Variants in CA6 observed in about 807,000 individuals in gnomAD.
The protein encoded by CA6 is carbonate dehydratase VI.
Under a neutral mutation model 35.9 loss-of-function variants are expected in CA6, and 28 were observed. The observed-to-expected ratio is 0.78, with a 90% confidence interval of 0.58 to 1.07. The LOEUF (loss-of-function observed/expected upper bound fraction) is 1.07. CA6 is among the 50% of genes least tolerant of loss of function. CA6 has a pLI of 0.00. For synonymous variants in CA6, 148 were observed against 152.6 expected (o/e 0.97, Z 0.22); for missense variants, 377 against 382.0 (o/e 0.99, Z 0.11).
chr1:8,954,337 A>G (rs10864375), intron 2 of CA6, among the ~76,000 whole-genome samples: 45,676 of 151,992 alleles, frequency 0.3, 8,230 homozygotes, highest in African/African-American at 0.49. Flanking sequence ...ATTAAGTTTT[A>G]TAATTTTAGT....
intron 5 of CA6, 44 bp downstream of exon 5, chr1:8,962,700 T>G: frequency 1.3e-6 from 2 of 1,491,910 alleles, no homozygotes; most frequent in Non-Finnish European, 1.9e-6. Context: ...GGGGAATGAG[T>G]GTGAGTGTGA....
intron 2 of CA6, among the ~76,000 whole-genome samples, chr1:8,951,191 G>C (rs1280559046): frequency 6.6e-6 from 1 of 150,840 alleles, no homozygotes; most frequent in Non-Finnish European, 1.5e-5. Flanking sequence ...ACCCCAGCCT[G>C]GGCAACAAGA....
chr1:8,948,786 A>G (rs1639437715), intron 1 of CA6, among the ~76,000 whole-genome samples: 1 of 152,050 alleles, frequency 6.6e-6, no homozygotes. Context: ...CCTGGCCAAC[A>G]TGGTGAAACC....
rs1451877312 is a variant in CA6 at position 8,946,011 on chromosome 1, T to C, written c.79+46T>C. The C allele has an allele frequency of 2.5e-6, 3 of 1,195,068 alleles. No homozygotes were observed. The South Asian group carries it at 3.8e-5, about 15-fold the overall frequency. 74.0% of individuals were successfully genotyped at this position (1,195,068 alleles called of 1,614,324 possible). ...TGCTCCCCCAGTTACCCTCACACCC[T>C]TACAACAGGACAAGTGCCCTTCTTC... On this transcript the variant is annotated intron_variant, in intron 1 of 7. Transcript: ENST00000377443.
Position 8,949,587 on chromosome 1 carries a change from A to G in CA6, c.259+145A>G, listed in dbSNP as rs972798583. On this transcript the variant is annotated intron_variant, in intron 2 of 7. Transcript: ENST00000377443. ...GAGGCCTCGAACATGAGGGTCGAACATGAGGGCTGACTGGCCCCGAAACCT... is the reference window on the plus strand; with the variant it reads ...GAGGCCTCGAACATGAGGGTCGAACGTGAGGGCTGACTGGCCCCGAAACCT... 17 of 676,908 alleles carry G rather than the reference A, an allele frequency of 2.5e-5. No individual in the cohort carries two copies. In the South Asian group the frequency reaches 3.0e-4, roughly 12 times the overall value. 41.9% of individuals were successfully genotyped at this position (676,908 alleles called of 1,614,324 possible). A position where few individuals can be genotyped will look rare whatever the true frequency, so the allele number is the denominator to read the frequency against.
intron 6 of CA6, among the ~76,000 whole-genome samples, 196 bp downstream of exon 6, chr1:8,968,012 G>A (rs541851162): frequency 2.6e-4 from 36 of 138,504 alleles, no homozygotes; most frequent in African/African-American, 1.0e-3. Context: ...CTGTCACCTG[G>A]GCTGGAGTGC....
intron 2 of CA6, among the ~76,000 whole-genome samples, chr1:8,954,964 G>A (rs558872676): frequency 6.6e-6 from 1 of 152,152 alleles, no homozygotes; most frequent in African/African-American, 2.4e-5. Flanking sequence ...ACAAAGACAA[G>A]TTGCTACAAA....
At chr1:8,966,176 C>A (rs1267613084) in intron 5 of CA6, among the ~76,000 whole-genome samples, 1 of 152,008 alleles carries the variant, frequency 6.6e-6, no homozygotes, top group Non-Finnish European at 1.5e-5. Flanking sequence ...GTGCCTTGAT[C>A]TCGGCTCACT....
chr1:8,947,857 T>C (rs749502841), intron 1 of CA6, among the ~76,000 whole-genome samples: 2 of 151,660 alleles, frequency 1.3e-5, no homozygotes, highest in Admixed American at 6.6e-5. Flanking sequence ...CACCTTTTTT[T>C]TTTTTTTTGA....
Position 8,949,424 on chromosome 1 carries a change from G to A in CA6, c.241G>A (p.Val81Ile), listed in dbSNP as rs1341990759. ...YETQAGEFPM[V>I]NNGHTVQISL... ...GACCCAGGCAGGGGAGTTCCCCATG[G>A]TCAACAATGGCCACACAGGTAAGAG... The change falls in exon 2 of 8, where the codon GTC becomes ATC. Residue 81 changes from valine to isoleucine, a missense_variant. Val to Ile is a conservative substitution (Grantham distance 29). Coordinates refer to ENST00000377443, the MANE Select transcript of CA6 (RefSeq NM_001215.4). 2 of 1,612,802 alleles carry A rather than the reference G, an allele frequency of 1.2e-6. No homozygotes were observed. The highest frequency in any genetic ancestry group is 1.7e-6 in the Non-Finnish European group (2 of 1,179,418).
Position 8,949,316 on chromosome 1 carries a change from C to A in CA6, c.133C>A (p.Gln45Lys). 1 of 1,613,358 alleles carries A rather than the reference C, an allele frequency of 6.2e-7. No individual in the cohort carries two copies. The highest frequency in any genetic ancestry group is 8.5e-7 in the Non-Finnish European group (1 of 1,179,574). ...WPQHYPACGG[Q>K]RQSPINLQRT... ...ACAGCACTACCCCGCCTGTGGGGGCCAGAGACAGTCGCCTATCAACCTACA... is the reference window on the plus strand; with the variant it reads ...ACAGCACTACCCCGCCTGTGGGGGCAAGAGACAGTCGCCTATCAACCTACA... Residue 45 changes from glutamine (Q) to lysine (K), a missense_variant, in exon 2 of 8, where the codon CAG (glutamine) becomes AAG (lysine). By Grantham distance (53) the Gln-to-Lys change is moderately conservative (BLOSUM62 1). Coordinates refer to ENST00000377443, the MANE Select transcript of CA6 (RefSeq NM_001215.4).
intron 5 of CA6, among the ~76,000 whole-genome samples, chr1:8,965,037 A>G (rs1569710867): frequency 6.6e-6 from 1 of 152,254 alleles, no homozygotes; most frequent in South Asian, 2.1e-4. Flanking sequence ...TGAGGTCAGG[A>G]GTTTGAGACC....
rs1368472364 is a variant in CA6, at chr1:8,949,301, C to A, written c.118C>A (p.Pro40Thr). 2 of 1,612,802 alleles carry A rather than the reference C, an allele frequency of 1.2e-6. No individual in the cohort carries two copies. Among genetic ancestry groups the A allele is most frequent in the African/African-American group, 1.3e-5 (1 of 74,892 alleles). ...CGAAGCGCACTGGCCACAGCACTAC[C>A]CCGCCTGTGGGGGCCAGAGACAGTC... ...LDEAHWPQHY[P>T]ACGGQRQSPI... The change falls in exon 2 of 8, where the codon CCC (proline) becomes ACC (threonine). Residue 40 changes from proline (P) to threonine (T), a missense_variant. Pro to Thr is a conservative substitution (Grantham distance 38). Coordinates refer to ENST00000377443, the MANE Select transcript of CA6 (RefSeq NM_001215.4).
At chr1:8,946,752 AC>A (rs1456099997) in intron 1 of CA6, among the ~76,000 whole-genome samples, 1 of 148,290 alleles carries the variant, frequency 6.7e-6, no homozygotes, top group African/African-American at 2.5e-5. Context: ...TGACATAAGG[AC>A]CCAGTTCCCT....
chr1:8,966,435 T>C, intron 5 of CA6, among the ~76,000 whole-genome samples: 1 of 152,168 alleles, frequency 6.6e-6, no homozygotes, highest in Non-Finnish European at 1.5e-5. Flanking sequence ...GAGGAACTAT[T>C]ATACCATTTT....
chr1:8,972,299 C>A (rs992784502), intron 7 of CA6, among the ~76,000 whole-genome samples: 3 of 152,296 alleles, frequency 2.0e-5, no homozygotes, highest in East Asian at 3.9e-4. Context: ...AATCCTCCCC[C>A]CTCAGCCTCC....
intron 2 of CA6, among the ~76,000 whole-genome samples, chr1:8,953,639 G>GTCAA (rs147727926): frequency 0.38 from 57,171 of 151,146 alleles, 11,022 homozygotes; most frequent in Middle Eastern, 0.44. Flanking sequence ...CAATCAATCA[G>GTCAA]TCAATCAATC....
At chr1:8,969,180 T>A (rs575533258) in intron 6 of CA6, among the ~76,000 whole-genome samples, 2 of 152,092 alleles carry the variant, frequency 1.3e-5, no homozygotes, top group South Asian at 4.1e-4. Context: ...CCGGGCATAG[T>A]GGTGTGAACC....
chr1:8,946,092 C>T, intron 1 of CA6, 127 bp downstream of exon 1: 2 of 644,258 alleles, frequency 3.1e-6, no homozygotes, highest in South Asian at 3.8e-5. Context: ...GGCTTGAGTA[C>T]AGTAGTGTGA....
Sources: allele counts gnomAD v4.1 joint callset (sites outside exome capture counted in the v4.1 genomes callset), GRCh38; gene constraint gnomAD v4.1.1; transcripts MANE v1.5; gene names NCBI Gene and HGNC (gene_info 2026-07-23, HGNC 2026-07-21).